Variants in BICC1 observed in about 807,000 individuals in gnomAD.
The protein encoded by BICC1 is BicC family RNA binding protein 1.
BICC1 carries 43 observed loss-of-function variants against 111.0 expected under a neutral mutation model. The ratio of observed to expected loss-of-function variants is 0.39; its 90% CI spans 0.30 to 0.50. BICC1 has a LOEUF of 0.50. Ranked by LOEUF, BICC1 falls within the 20% of genes least tolerant of loss-of-function variation. The pLI, the probability that BICC1 is intolerant of heterozygous loss-of-function variation, is 0.88. For missense variants in BICC1, 1,091 were observed against 1,203.2 expected (o/e 0.91, Z 1.38); for synonymous variants, 467 against 434.4 (o/e 1.07, Z -0.93).
intron 3 of BICC1, among the ~76,000 whole-genome samples, chr10:58,754,563 C>T (rs556548551): frequency 9.5e-4 from 145 of 152,330 alleles, no homozygotes; most frequent in Non-Finnish European, 1.8e-3. Flanking sequence ...CTGATTTCTT[C>T]GTAGCTTGCC....
At chr10:58,584,450 G>A (rs1844375328) in intron 1 of BICC1, among the ~76,000 whole-genome samples, 2 of 152,126 alleles carry the variant, frequency 1.3e-5, no homozygotes. Context: ...GCAATATCTG[G>A]TGCGCTCCTC....
At chr10:58,816,792 T>TGTGA (rs1554836548) in intron 18 of BICC1, among the ~76,000 whole-genome samples, 1 of 140,398 alleles carries the variant, frequency 7.1e-6, no homozygotes, top group African/African-American at 2.7e-5. Context: ...TGTGTGTGTG[T>TGTGA]GTGACTTACT....
chr10:58,626,801 T>A (rs1588946027), intron 2 of BICC1, among the ~76,000 whole-genome samples: 1 of 152,204 alleles, frequency 6.6e-6, no homozygotes, highest in Non-Finnish European at 1.5e-5. Context: ...TCATTGAGAT[T>A]GTTTAAAAAT....
chr10:58,693,827 T>C (rs541567296), intron 2 of BICC1, among the ~76,000 whole-genome samples: 44 of 152,324 alleles, frequency 2.9e-4, no homozygotes, highest in African/African-American at 1.0e-3. Context: ...TTCACTCTGA[T>C]GGTAGTTTCT....
At chr10:58,643,244 G>A (rs1014914842) in intron 2 of BICC1, among the ~76,000 whole-genome samples, 1 of 152,208 alleles carries the variant, frequency 6.6e-6, no homozygotes, top group African/African-American at 2.4e-5. Flanking sequence ...AAGCATTCAA[G>A]AGAGGGATAA....
rs533120108 is a variant in BICC1, at chr10:58,661,162, C to T, written c.237+40261C>T. 1.3e-3 allele frequency among the ~76,000 whole-genome samples: 192 copies of T among 149,548 alleles called. 1 individual carries two copies. Among genetic ancestry groups the T allele is most frequent in the African/African-American group, 4.5e-3 (183 of 40,704 alleles). ...GTCAGGTTTTTTAAGGGGGAAGATT[C>T]TTATTTTCAAATTCGTAATTTTTTA... On this transcript the variant is annotated intron_variant, in intron 2 of 20. Transcript: ENST00000373886.
At chr10:58,619,478 CTT>C (rs60650027) in intron 1 of BICC1, among the ~76,000 whole-genome samples, 371 of 120,726 alleles carry the variant, frequency 3.1e-3, no homozygotes, top group Middle Eastern at 4.4e-3. Context: ...AGTTTTGAAT[CTT>C]TTTTTTTTTT....
At chr10:58,736,606 G>T (rs1841477010) in intron 3 of BICC1, among the ~76,000 whole-genome samples, 1 of 152,034 alleles carries the variant, frequency 6.6e-6, no homozygotes, top group South Asian at 2.1e-4. Context: ...TCTTTCCATT[G>T]GGTATCTCCA....
At position 58,513,149 on chromosome 10, in the gene BICC1, C is replaced by T. The variant is rs752693793; in HGVS notation, c.6C>T (p.Ala2=). 7 of 1,518,052 alleles carry T rather than the reference C, an allele frequency of 4.6e-6. No individual in the cohort carries two copies. In the Admixed American group the frequency reaches 1.5e-4, roughly 33 times the overall value. 94.0% of individuals were successfully genotyped at this position (1,518,052 alleles called of 1,614,324 possible). ...CCGAGCGCTGCGCGCCCACCATGGC[C>T]GCCCAGGGAGAGCCCGGCTACCTGG... M[A]AQGEPGYLAA... The change falls in exon 1 of 21, where the codon GCC becomes GCT. Residue 2 remains alanine (A), a synonymous_variant. Coordinates refer to ENST00000373886, the MANE Select transcript of BICC1 (RefSeq NM_001080512.3).
chr10:58,639,576 T>G (rs1272219153), intron 2 of BICC1, among the ~76,000 whole-genome samples: 8 of 147,376 alleles, frequency 5.4e-5, no homozygotes, highest in African/African-American at 1.0e-4. Context: ...TGTTTTTTTT[T>G]TTTTTTTTTT....
rs1185624027 is a variant in BICC1, at chr10:58,533,465, A to G, written c.190+20132A>G. ...AACTTTTTGGAGCTTATGACAAGAA[A>G]TAAAGTTCATATTTTTAATTTTTAT... On this transcript the variant is annotated intron_variant, in intron 1 of 20. Coordinates refer to ENST00000373886, the MANE Select transcript of BICC1 (RefSeq NM_001080512.3). Among the ~76,000 whole-genome samples the G allele has an allele frequency of 2.0e-5, 3 of 151,974 alleles. No individual in the cohort carries two copies. The East Asian group carries it at 5.8e-4, about 29-fold the overall frequency.
chr10:58,814,637 A>C (rs2132944603), intron 18 of BICC1, among the ~76,000 whole-genome samples: 1 of 150,910 alleles, frequency 6.6e-6, no homozygotes, highest in Admixed American at 6.6e-5. Flanking sequence ...AAAAAAAAAA[A>C]ACAAGAGGCT....
intron 20 of BICC1, among the ~76,000 whole-genome samples, chr10:58,824,268 T>TC (rs1169771511): frequency 6.6e-6 from 1 of 152,178 alleles, no homozygotes; most frequent in Admixed American, 6.5e-5. Flanking sequence ...GTCTATTTTT[T>TC]CAATCAGTTT....
intron 8 of BICC1, 103 bp downstream of exon 8, chr10:58,790,036 G>T: frequency 2.3e-6 from 3 of 1,302,908 alleles, no homozygotes; most frequent in Non-Finnish European, 1.1e-6. Flanking sequence ...AAAGCACTTC[G>T]GAAGCCTCGT....
intron 3 of BICC1, among the ~76,000 whole-genome samples, chr10:58,766,626 GT>G (rs1396819520): frequency 6.6e-6 from 1 of 152,078 alleles, no homozygotes; most frequent in Non-Finnish European, 1.5e-5. Flanking sequence ...ATGGACAAGA[GT>G]ACCTTTGTGG....
chr10:58,531,021 C>T (rs1166573607), intron 1 of BICC1, among the ~76,000 whole-genome samples: 1 of 151,852 alleles, frequency 6.6e-6, no homozygotes, highest in African/African-American at 2.4e-5. Flanking sequence ...TTCATTTCAT[C>T]TGAGTCGGCC....
At chr10:58,655,226 A>G (rs1244394411) in intron 2 of BICC1, among the ~76,000 whole-genome samples, 3 of 147,258 alleles carry the variant, frequency 2.0e-5, no homozygotes, top group Non-Finnish European at 4.5e-5. Flanking sequence ...GAAGAAAGTC[A>G]TTCGTAGCTT....
At chr10:58,718,362 T>C (rs976455504) in intron 3 of BICC1, among the ~76,000 whole-genome samples, 5 of 152,214 alleles carry the variant, frequency 3.3e-5, no homozygotes, top group African/African-American at 9.6e-5. Context: ...GCAGCCCTTA[T>C]GACTTAATCA....
At chr10:58,648,252 T>C (rs1418006832) in intron 2 of BICC1, among the ~76,000 whole-genome samples, 1 of 152,202 alleles carries the variant, frequency 6.6e-6, no homozygotes, top group Non-Finnish European at 1.5e-5. Flanking sequence ...CAGCTGTAGA[T>C]GCTGTTATAT....
Sources: allele counts gnomAD v4.1 joint callset (sites outside exome capture counted in the v4.1 genomes callset), GRCh38; gene constraint gnomAD v4.1.1; transcripts MANE v1.5; gene names NCBI Gene and HGNC (gene_info 2026-07-23, HGNC 2026-07-21).